SLC5A4: variants seen among roughly 807,000 people sequenced by gnomAD.
SLC5A4 encodes probable glucose sensor protein SLC5A4.
In SLC5A4, 55 loss-of-function variants were observed where a neutral mutation model predicts 70.3. The ratio of observed to expected loss-of-function variants is 0.78; its 90% confidence interval spans 0.63 to 0.98. SLC5A4 has a LOEUF of 0.98. SLC5A4 is among the 50% of genes least tolerant of loss of function. The pLI is 0.00. For synonymous variants in SLC5A4, 268 were observed against 305.7 expected, an observed-to-expected ratio of 0.88 and a Z score of 1.29; for missense variants, 735 against 839.2, an observed-to-expected ratio of 0.88 and a Z score of 1.53.
the SLC5A4 span, among the ~76,000 whole-genome samples, chr22:32,354,595 C>A: frequency 6.6e-6 from 1 of 152,068 alleles, no homozygotes; most frequent in African/African-American, 2.4e-5. Context: ...GATAGTGCCC[C>A]CAGAACTCCC....
chr22:32,342,728 C>G, the SLC5A4 span, among the ~76,000 whole-genome samples: 1 of 152,134 alleles, frequency 6.6e-6, no homozygotes, highest in Non-Finnish European at 1.5e-5. Context: ...TATAATAATT[C>G]TGATTCAAAT....
At chr22:32,317,406 G>A in the SLC5A4 span, among the ~76,000 whole-genome samples, 3 of 152,040 alleles carry the variant, frequency 2.0e-5, no homozygotes, top group South Asian at 4.1e-4. Flanking sequence ...CAGAAATGGA[G>A]TTAACAGCAG....
the SLC5A4 span, among the ~76,000 whole-genome samples, chr22:32,340,159 T>C: frequency 3.7e-4 from 57 of 152,194 alleles, 1 homozygote; most frequent in Admixed American, 2.2e-3. Flanking sequence ...GGTGTCTCCT[T>C]CATAAAATGA....
At chr22:32,333,285 G>A in the SLC5A4 span, among the ~76,000 whole-genome samples, 1 of 151,994 alleles carries the variant, frequency 6.6e-6, no homozygotes, top group Non-Finnish European at 1.5e-5. Context: ...CTGGAAGTGG[G>A]CAGCAGGCAG....
At chr22:32,256,323 AAAC>A (rs981990071), upstream of SLC5A4, among the ~76,000 whole-genome samples, 3 of 152,060 alleles carry the variant, frequency 2.0e-5, no homozygotes, top group Admixed American at 6.6e-5. Context: ...CAAACAAAAA[AAAC>A]AACAACAAAA....
At chr22:32,347,712 G>A in the SLC5A4 span, among the ~76,000 whole-genome samples, 1 of 115,632 alleles carries the variant, frequency 8.6e-6, no homozygotes, top group Non-Finnish European at 1.7e-5. Context: ...TTGTGGGGTG[G>A]GGGGAGGGGG....
the SLC5A4 span, among the ~76,000 whole-genome samples, chr22:32,343,543 C>CT: frequency 6.6e-6 from 1 of 152,180 alleles, no homozygotes; most frequent in African/African-American, 2.4e-5. Flanking sequence ...CCTCCAGACT[C>CT]TATGCTACAT....
At chr22:32,296,215 G>T in the SLC5A4 span, among the ~76,000 whole-genome samples, 1 of 20,760 alleles carries the variant, frequency 4.8e-5, no homozygotes, top group Admixed American at 7.2e-4. Flanking sequence ...TAGCTTGATG[G>T]GGATGGCATT....
At chr22:32,306,566 T>TTGGTTTTCC in the SLC5A4 span, among the ~76,000 whole-genome samples, 3 of 152,176 alleles carry the variant, frequency 2.0e-5, no homozygotes, top group East Asian at 5.8e-4. Context: ...AGGAATGTTT[T>TTGGTTTTCC]TGGTTTTCCT....
the SLC5A4 span, among the ~76,000 whole-genome samples, chr22:32,329,096 GA>G: frequency 1.3e-5 from 2 of 152,234 alleles, no homozygotes; most frequent in Non-Finnish European, 2.9e-5. Flanking sequence ...CTGGCGTCTG[GA>G]TCAGGCTTCT....
the SLC5A4 span, among the ~76,000 whole-genome samples, chr22:32,341,129 T>C: frequency 2.0e-5 from 3 of 152,154 alleles, no homozygotes; most frequent in Non-Finnish European, 4.4e-5. Flanking sequence ...AGAGCTGCTC[T>C]TGAGGACTCA....
At chr22:32,336,382 CTTTG>C in the SLC5A4 span, among the ~76,000 whole-genome samples, 1 of 152,230 alleles carries the variant, frequency 6.6e-6, no homozygotes. Context: ...AAGCTGGCAT[CTTTG>C]TTTGCACAGT....
At chr22:32,333,043 T>C in the SLC5A4 span, among the ~76,000 whole-genome samples, 1 of 152,174 alleles carries the variant, frequency 6.6e-6, no homozygotes, top group Non-Finnish European at 1.5e-5. Context: ...GAGAGATGGC[T>C]TAGAAGCCTC....
At chr22:32,222,659 T>C (rs1315037511) in intron 13 of SLC5A4, among the ~76,000 whole-genome samples, 3 of 152,234 alleles carry the variant, frequency 2.0e-5, no homozygotes, top group Non-Finnish European at 4.4e-5. Flanking sequence ...CGTAAATATT[T>C]AGTTAGGAAT....
At chr22:32,329,332 G>GAA in the SLC5A4 span, among the ~76,000 whole-genome samples, 4 of 152,204 alleles carry the variant, frequency 2.6e-5, no homozygotes, top group Non-Finnish European at 5.9e-5. Flanking sequence ...ATGAGACACT[G>GAA]CATGTAACAA....
At chr22:32,235,128 C>A (rs1252124389) in intron 7 of SLC5A4, 35 bp from the exon 8 acceptor site, 1 of 1,455,694 alleles carries the variant, frequency 6.9e-7, no homozygotes, top group African/African-American at 1.4e-5. Context: ...AGATGTCTTA[C>A]TGAAATCTAA....
At chr22:32,310,964 T>C in the SLC5A4 span, among the ~76,000 whole-genome samples, 8 of 152,214 alleles carry the variant, frequency 5.3e-5, no homozygotes, top group African/African-American at 1.2e-4. Context: ...GGCTTTCTTA[T>C]GCTTCCTTGA....
rs1363891532 is a variant in SLC5A4, at chr22:32,254,206, A to T, written c.143T>A (p.Leu48Gln). The change falls in exon 2 of 15, where the codon CTG becomes CAG. Residue 48 changes from leucine to glutamine, a missense_variant. Physicochemically the swap from Leu to Gln is moderately radical, Grantham distance 113. Coordinates refer to ENST00000266086, the MANE Select transcript of SLC5A4 (RefSeq NM_014227.3). ...TCCTATAGTACCTCGGTTGGTCTTCAGCATCGCCTGAGCAGAAGGGAAGAC... is the reference window on the plus strand; with the variant it reads ...TCCTATAGTACCTCGGTTGGTCTTCTGCATCGCCTGAGCAGAAGGGAAGAC... The part of the protein sequence containing the change: ...VVMAVGLWAM[L>Q]KTNRGTIGGF... 6.2e-7 allele frequency: 1 copy of T among 1,613,422 alleles called. No homozygotes were observed. The highest frequency in any genetic ancestry group is 8.5e-7 in the Non-Finnish European group (1 of 1,179,468).
chr22:32,222,034 G>A (rs946007853), intron 13 of SLC5A4, among the ~76,000 whole-genome samples: 1 of 152,198 alleles, frequency 6.6e-6, no homozygotes, highest in Admixed American at 6.5e-5. Flanking sequence ...TGGGATGACA[G>A]GCGTGAGCCA....
Sources: allele counts gnomAD v4.1 joint callset (sites outside exome capture counted in the v4.1 genomes callset), GRCh38; gene constraint gnomAD v4.1.1; transcripts MANE v1.5; gene names NCBI Gene and HGNC (gene_info 2026-07-23, HGNC 2026-07-21).